CDH18: variants seen among roughly 807,000 people sequenced by gnomAD.
CDH18 encodes cadherin 18.
In CDH18, 31 loss-of-function variants were observed where a neutral mutation model predicts 67.9. That is an observed-to-expected ratio of 0.46 (90% CI 0.34 to 0.62). The LOEUF is 0.62. CDH18 is among the 20% of genes least tolerant of loss of function. CDH18 has a pLI of 0.01. For synonymous variants in CDH18, 362 were observed against 347.2 expected, an observed-to-expected ratio of 1.04 and a Z score of -0.48; for missense variants, 890 against 975.5, an observed-to-expected ratio of 0.91 and a Z score of 1.17.
chr5:20,569,606 A>G (rs1017304087), intron 1 of CDH18, among the ~76,000 whole-genome samples: 1 of 152,156 alleles, frequency 6.6e-6, no homozygotes, highest in African/African-American at 2.4e-5. Context: ...GCAAGACTCA[A>G]TCTCAAAAAC....
chr5:20,182,763 C>G (rs1349478981), intron 2 of CDH18, among the ~76,000 whole-genome samples: 1 of 151,758 alleles, frequency 6.6e-6, no homozygotes, highest in Non-Finnish European at 1.5e-5. Context: ...AGGCCCTCAT[C>G]AGATACCAAA....
At chr5:19,606,475 T>G (rs573499345) in intron 6 of CDH18, among the ~76,000 whole-genome samples, 1 of 152,036 alleles carries the variant, frequency 6.6e-6, no homozygotes, top group Non-Finnish European at 1.5e-5. Context: ...CCAATAATCT[T>G]TATCTACTAA....
At chr5:19,837,300 C>G (rs1194178897) in intron 3 of CDH18, among the ~76,000 whole-genome samples, 1 of 151,942 alleles carries the variant, frequency 6.6e-6, no homozygotes, top group African/African-American at 2.4e-5. Context: ...GGAGAAATAT[C>G]TAATGTAGAT....
At chr5:20,332,230 A>C (rs1739252037) in intron 1 of CDH18, among the ~76,000 whole-genome samples, 1 of 152,236 alleles carries the variant, frequency 6.6e-6, no homozygotes, top group African/African-American at 2.4e-5. Context: ...ATTTGGTCCC[A>C]ATAAGAGCAG....
At chr5:19,772,096 C>A (rs1773796982) in intron 3 of CDH18, among the ~76,000 whole-genome samples, 1 of 152,142 alleles carries the variant, frequency 6.6e-6, no homozygotes, top group Non-Finnish European at 1.5e-5. Context: ...TTTTTACTCT[C>A]CTGTCGTTAA....
intron 2 of CDH18, among the ~76,000 whole-genome samples, chr5:19,869,822 A>T (rs1786029344): frequency 6.6e-6 from 1 of 152,060 alleles, no homozygotes; most frequent in African/African-American, 2.4e-5. Flanking sequence ...TGTTATACTA[A>T]CTCCCAAAAT....
chr5:20,243,847 G>A (rs1274470600), intron 2 of CDH18, among the ~76,000 whole-genome samples: 2 of 151,966 alleles, frequency 1.3e-5, no homozygotes, highest in African/African-American at 4.8e-5. Flanking sequence ...TTGGCACTTG[G>A]GAACCTCCAC....
intron 2 of CDH18, among the ~76,000 whole-genome samples, chr5:19,973,974 C>T (rs1391473588): frequency 4.0e-5 from 6 of 151,870 alleles, no homozygotes; most frequent in Non-Finnish European, 4.4e-5. Context: ...ATCAATGATT[C>T]GAGAAGGGTA....
chr5:20,405,730 C>A (rs1746186678), intron 1 of CDH18, among the ~76,000 whole-genome samples: 1 of 152,092 alleles, frequency 6.6e-6, no homozygotes, highest in African/African-American at 2.4e-5. Flanking sequence ...AGAACTCAAA[C>A]AAATTTACAA....
chr5:20,154,993 T>A (rs1751413017), intron 2 of CDH18, among the ~76,000 whole-genome samples: 1 of 152,172 alleles, frequency 6.6e-6, no homozygotes, highest in African/African-American at 2.4e-5. Context: ...CAACTTCATT[T>A]TCTTCAGGTT....
intron 2 of CDH18, among the ~76,000 whole-genome samples, chr5:19,903,625 T>A (rs1438096516): frequency 7.5e-6 from 1 of 132,844 alleles, no homozygotes; most frequent in African/African-American, 2.6e-5. Context: ...GGCTTTTTTT[T>A]TTTTTTTTTT....
rs138226458 is a variant in CDH18 at position 20,364,108 on chromosome 5, G to A, written c.-579-108603C>T. Among the ~76,000 whole-genome samples the A allele has an allele frequency of 1.5e-3, 233 of 152,090 alleles. 4 individuals are homozygous for A. The South Asian group carries it at 0.042, about 27-fold the overall frequency. ...GAAGGCAGGAGATGCTTTTATTATC[G>A]TTAATGTTGTCAAGTATTTCCTGAA... On this transcript the variant is annotated intron_variant, in intron 1 of 14. Coordinates refer to the CDH18 transcript ENST00000507958.
intron 2 of CDH18, among the ~76,000 whole-genome samples, chr5:20,109,440 A>G (rs895883153): frequency 6.6e-6 from 1 of 152,218 alleles, no homozygotes; most frequent in Non-Finnish European, 1.5e-5. Flanking sequence ...ATCTGAGTTG[A>G]TAAGGGCTTT....
At chr5:20,534,237 T>G (rs945026960) in intron 1 of CDH18, among the ~76,000 whole-genome samples, 1 of 152,030 alleles carries the variant, frequency 6.6e-6, no homozygotes, top group Non-Finnish European at 1.5e-5. Context: ...ATACTAGTTT[T>G]TACAAACTAT....
intron 8 of CDH18, among the ~76,000 whole-genome samples, chr5:19,569,264 C>G (rs147192824): frequency 3.3e-5 from 5 of 152,278 alleles, no homozygotes; most frequent in Admixed American, 6.5e-5. Flanking sequence ...TCCTCATGTA[C>G]AGCAAACTAC....
At chr5:19,900,982 T>A (rs1394730541) in intron 2 of CDH18, among the ~76,000 whole-genome samples, 1 of 152,172 alleles carries the variant, frequency 6.6e-6, no homozygotes, top group Admixed American at 6.5e-5. Flanking sequence ...AATCCTGACT[T>A]GCCTAGTGTG....
intron 2 of CDH18, among the ~76,000 whole-genome samples, chr5:19,898,620 A>G (rs62352216): frequency 0.3 from 45,678 of 151,950 alleles, 8,043 homozygotes; most frequent in South Asian, 0.41. Flanking sequence ...ATTCTTAATT[A>G]TATATGGAAA....
At chr5:19,590,412 CTAG>C (rs1328342967) in intron 7 of CDH18, among the ~76,000 whole-genome samples, 1 of 151,480 alleles carries the variant, frequency 6.6e-6, no homozygotes, top group Non-Finnish European at 1.5e-5. Context: ...ATTATAATTA[CTAG>C]AAGAAGAATT....
chr5:19,482,846 C>A (rs956059522), intron 12 of CDH18, among the ~76,000 whole-genome samples: 1 of 152,010 alleles, frequency 6.6e-6, no homozygotes, highest in African/African-American at 2.4e-5. Flanking sequence ...TATATTTGAT[C>A]TCTCATTTTT....
Sources: allele counts gnomAD v4.1 joint callset (sites outside exome capture counted in the v4.1 genomes callset), GRCh38; gene constraint gnomAD v4.1.1; transcripts MANE v1.5; gene names NCBI Gene and HGNC (gene_info 2026-07-23, HGNC 2026-07-21).